The following PRKG1 variants were observed in gnomAD, a reference collection of about 807,000 sequenced individuals.
The protein encoded by PRKG1 is protein kinase cGMP-dependent 1.
In PRKG1, 35 loss-of-function variants were observed where a neutral mutation model predicts 88.1. The observed-to-expected ratio is 0.40, with a 90% confidence interval of 0.30 to 0.53. The LOEUF is 0.53. PRKG1 is among the 20% of genes least tolerant of loss of function. The pLI is 0.59. For missense variants in PRKG1, 540 were observed against 839.8 expected (o/e 0.64, Z 4.41); for synonymous variants, 303 against 292.5 (o/e 1.04, Z -0.37).
intron 1 of PRKG1, among the ~76,000 whole-genome samples, chr10:51,085,136 G>T (rs1844215658): frequency 6.6e-6 from 1 of 152,184 alleles, no homozygotes; most frequent in African/African-American, 2.4e-5. Flanking sequence ...GGAAAATAGG[G>T]TGGGTTGGTC....
intron 3 of PRKG1, among the ~76,000 whole-genome samples, chr10:51,578,049 C>T (rs1837933156): frequency 6.6e-6 from 1 of 152,004 alleles, no homozygotes; most frequent in Admixed American, 6.6e-5. Context: ...TAATAACAGT[C>T]CAGAGGCTTG....
chr10:51,374,064 C>T (rs866893250), intron 2 of PRKG1, among the ~76,000 whole-genome samples: 1 of 97,740 alleles, frequency 1.0e-5, no homozygotes, highest in African/African-American at 3.5e-5. Context: ...ATCACTTGAA[C>T]CTGGCTGGCA....
chr10:51,321,869 C>T (rs1404967103), intron 2 of PRKG1, among the ~76,000 whole-genome samples: 1 of 151,502 alleles, frequency 6.6e-6, no homozygotes, highest in East Asian at 1.9e-4. Flanking sequence ...CTCATGTGAC[C>T]CATAGATATA....
chr10:51,505,670 A>G (rs1402294216), intron 3 of PRKG1, among the ~76,000 whole-genome samples: 4 of 152,006 alleles, frequency 2.6e-5, no homozygotes, highest in Non-Finnish European at 5.9e-5. Flanking sequence ...GTCTATTCAG[A>G]GATTCAACTT....
At chr10:51,731,831 G>C (rs1379183830) in intron 3 of PRKG1, among the ~76,000 whole-genome samples, 1 of 152,142 alleles carries the variant, frequency 6.6e-6, no homozygotes, top group African/African-American at 2.4e-5. Context: ...CAAAGTTCTG[G>C]AGGCTAGAAG....
At chr10:51,127,938 T>C (rs1845471876) in intron 1 of PRKG1, among the ~76,000 whole-genome samples, 1 of 151,956 alleles carries the variant, frequency 6.6e-6, no homozygotes, top group Non-Finnish European at 1.5e-5. Flanking sequence ...GAGGGAAATA[T>C]CACACACCGA....
intron 1 of PRKG1, among the ~76,000 whole-genome samples, chr10:51,134,311 G>A (rs1341928976): frequency 6.6e-6 from 1 of 152,142 alleles, no homozygotes; most frequent in African/African-American, 2.4e-5. Flanking sequence ...CAGGCAACCT[G>A]TATTCTCACT....
chr10:51,433,027 A>G (rs1378191836), intron 2 of PRKG1, among the ~76,000 whole-genome samples: 2 of 152,180 alleles, frequency 1.3e-5, no homozygotes, highest in African/African-American at 4.8e-5. Flanking sequence ...AAAAATAAAA[A>G]TAGCCAAGTG....
intron 4 of PRKG1, among the ~76,000 whole-genome samples, chr10:51,899,099 C>T (rs1380325154): frequency 6.6e-6 from 1 of 152,024 alleles, no homozygotes; most frequent in Non-Finnish European, 1.5e-5. Context: ...CCATTGTATA[C>T]ATAAGTTTTA....
At chr10:51,430,281 T>C (rs1170302117) in intron 2 of PRKG1, among the ~76,000 whole-genome samples, 1 of 151,948 alleles carries the variant, frequency 6.6e-6, no homozygotes, top group Non-Finnish European at 1.5e-5. Context: ...TAACTGGGTG[T>C]GGTGGCGTGT....
chr10:51,531,462 A>AAT (rs1564537318), intron 3 of PRKG1, among the ~76,000 whole-genome samples: 1 of 152,058 alleles, frequency 6.6e-6, no homozygotes, highest in Non-Finnish European at 1.5e-5. Flanking sequence ...CAGAAATAAG[A>AAT]ATACCTGGAA....
chr10:51,246,463 A>G (rs1487892600), intron 2 of PRKG1, among the ~76,000 whole-genome samples: 1 of 151,884 alleles, frequency 6.6e-6, no homozygotes, highest in Non-Finnish European at 1.5e-5. Flanking sequence ...TTTTTTTCAC[A>G]TATTGTCTGT....
chr10:52,207,242 C>T (rs752467300), intron 9 of PRKG1, among the ~76,000 whole-genome samples: 11 of 151,642 alleles, frequency 7.3e-5, no homozygotes, highest in African/African-American at 1.5e-4. Context: ...AGAGCAGGAG[C>T]GGGAGGATGC....
At chr10:51,535,543 G>A (rs150984201) in intron 3 of PRKG1, among the ~76,000 whole-genome samples, 1 of 152,212 alleles carries the variant, frequency 6.6e-6, no homozygotes, top group African/African-American at 2.4e-5. Flanking sequence ...ATCAATTTTT[G>A]TTATAAGAAA....
chr10:51,860,314 T>C (rs1018994136), intron 4 of PRKG1, among the ~76,000 whole-genome samples: 9 of 152,318 alleles, frequency 5.9e-5, no homozygotes, highest in African/African-American at 1.9e-4. Flanking sequence ...CTTCATGTTG[T>C]CTTCAAGCTA....
chr10:52,288,435 G>C (rs1045067898), intron 14 of PRKG1, among the ~76,000 whole-genome samples: 4 of 152,056 alleles, frequency 2.6e-5, no homozygotes, highest in African/African-American at 9.7e-5. Context: ...AAAGGTCAGA[G>C]AGTAGAAGAA....
At chr10:51,508,410 T>A (rs1191544867) in intron 3 of PRKG1, among the ~76,000 whole-genome samples, 1 of 152,214 alleles carries the variant, frequency 6.6e-6, no homozygotes, top group South Asian at 2.1e-4. Context: ...GGCAAGGGTG[T>A]GGCTATGCCA....
chr10:51,221,938 C>G (rs1429831943), intron 2 of PRKG1, among the ~76,000 whole-genome samples: 1 of 149,416 alleles, frequency 6.7e-6, no homozygotes, highest in Non-Finnish European at 1.5e-5. Flanking sequence ...ACAATGGCAC[C>G]ATCTTGGCTC....
chr10:51,048,480 A>G (rs1843518685), intron 1 of PRKG1, among the ~76,000 whole-genome samples: 1 of 152,168 alleles, frequency 6.6e-6, no homozygotes, highest in African/African-American at 2.4e-5. Context: ...AGTTTCTCTG[A>G]TTAATTCTTT....
Sources: allele counts gnomAD v4.1 joint callset (sites outside exome capture counted in the v4.1 genomes callset), GRCh38; gene constraint gnomAD v4.1.1; transcripts MANE v1.5; gene names NCBI Gene and HGNC (gene_info 2026-07-23, HGNC 2026-07-21).